RBM41: variants seen among roughly 807,000 people sequenced by gnomAD.
The protein encoded by RBM41 is RNA-binding protein 41.
In RBM41, 14 loss-of-function variants were observed where a neutral mutation model predicts 30.8. The observed-to-expected ratio is 0.45, with a 90% CI of 0.30 to 0.71. RBM41 has a LOEUF of 0.71. RBM41 is among the 30% of genes least tolerant of loss of function. The pLI is 0.08. For missense variants in RBM41, 276 were observed against 326.3 expected (o/e 0.85, Z 1.19); for synonymous variants, 120 against 110.1 (o/e 1.09, Z -0.56).
chrX:107,056,006 A>G, the RBM41 span, among the ~76,000 whole-genome samples: 1 of 112,483 alleles, frequency 8.9e-6, no homozygotes, highest in Non-Finnish European at 1.9e-5. Flanking sequence ...GTGGAAGACC[A>G]CTGAGTATCA....
downstream of RBM41, among the ~76,000 whole-genome samples, chrX:107,060,501 A>G (rs751901237): frequency 8.1e-3 from 902 of 111,230 alleles, 6 homozygotes; most frequent in Middle Eastern, 0.018. Context: ...ATGTAGCAAC[A>G]AAGTATCATC....
intron 6 of RBM41, among the ~76,000 whole-genome samples, chrX:107,086,912 A>G (rs1431238555): frequency 8.9e-6 from 1 of 112,455 alleles, no homozygotes; most frequent in East Asian, 2.8e-4. Flanking sequence ...TTTCAAAAGC[A>G]TTATGCATAT....
At chrX:107,093,169 G>A (rs1195432955) in intron 5 of RBM41, among the ~76,000 whole-genome samples, 1 of 111,063 alleles carries the variant, frequency 9.0e-6, no homozygotes, top group Non-Finnish European at 1.9e-5. Flanking sequence ...ATGTTAGAAG[G>A]TAGGAGTGCT....
Position 107,067,626 on chromosome X carries a change from C to G in RBM41, c.1215G>C (p.Val405=), listed in dbSNP as rs747177878. 9.9e-6 allele frequency: 12 copies of G among 1,210,568 alleles called. No homozygotes were observed. In the East Asian group the frequency reaches 3.3e-4, roughly 33 times the overall value. The change falls in exon 8 of 8, where the codon GTG becomes GTC. Residue 405 remains valine (V), a synonymous_variant. Coordinates refer to ENST00000685964, the MANE Select transcript of RBM41 (RefSeq NM_001324242.2). ...NGYKLHGKIL[V]IEFGKNKKQR... ...GCTTTTTGTTCTTTCCAAACTCTAT[C>G]ACCAATATTTTCCCATGTAGTTTGT... is the stretch of plus-strand genomic sequence containing the variant.
intron 5 of RBM41, among the ~76,000 whole-genome samples, chrX:107,095,092 T>C (rs1218258836): frequency 9.7e-6 from 1 of 102,746 alleles, no homozygotes; most frequent in Non-Finnish European, 1.9e-5. Context: ...GTAAGGATGT[T>C]AGCTCTCACC....
At chrX:107,073,763 T>C (rs917925648) in intron 6 of RBM41, among the ~76,000 whole-genome samples, 1 of 112,051 alleles carries the variant, frequency 8.9e-6, no homozygotes, top group African/African-American at 3.2e-5. Context: ...GTGGTATATA[T>C]ACACAGTGGA....
intron 6 of RBM41, among the ~76,000 whole-genome samples, chrX:107,087,475 G>T (rs934505301): frequency 9.0e-6 from 1 of 111,027 alleles, no homozygotes; most frequent in Admixed American, 9.5e-5. Flanking sequence ...ATGCTCCAGG[G>T]GTTTGTGTTG....
At chrX:107,098,728 C>T (rs918721929) in intron 5 of RBM41, among the ~76,000 whole-genome samples, 4 of 111,650 alleles carry the variant, frequency 3.6e-5, no homozygotes, top group Non-Finnish European at 5.6e-5. Context: ...GGCCCAGGCG[C>T]GGTGGCTCAT....
rs1935672655 is a variant in RBM41 at position 107,062,461 on chromosome X, A to G, written c.*5066T>C. Among the ~76,000 whole-genome samples the G allele has an allele frequency of 9.0e-6, 1 of 111,265 alleles. No individual in the cohort carries two copies. The highest frequency in any genetic ancestry group is 3.3e-5 in the African/African-American group (1 of 30,591). ...AACATGTATCAGAGGCTATATCAGG[A>G]TAATTTATTCCTTGTCACTTAACTA... On this transcript the variant is annotated 3_prime_UTR_variant, in exon 8 of 8. Transcript: ENST00000685964.
intron 5 of RBM41, among the ~76,000 whole-genome samples, chrX:107,095,680 C>T (rs1922909549): frequency 9.0e-6 from 1 of 110,870 alleles, no homozygotes; most frequent in Admixed American, 9.6e-5. Context: ...GAAAACAATT[C>T]TATTCACAAG....
At chrX:107,070,669 A>T (rs1435144759) in intron 6 of RBM41, among the ~76,000 whole-genome samples, 1 of 111,568 alleles carries the variant, frequency 9.0e-6, no homozygotes, top group Non-Finnish European at 1.9e-5. Flanking sequence ...ATAGGAAAAA[A>T]CTTCAACAAA....
intron 5 of RBM41, among the ~76,000 whole-genome samples, chrX:107,101,835 C>T (rs1923491615): frequency 8.9e-6 from 1 of 111,735 alleles, no homozygotes; most frequent in African/African-American, 3.2e-5. Flanking sequence ...TAACAAATAC[C>T]TAAAAATGTA....
Position 107,063,554 on chromosome X carries a change from TTTCTAC to T in RBM41, c.*3967_*3972del, listed in dbSNP as rs1246066941. Reference sequence around the variant, plus strand: ...TTACTTGATATAGGTTTATTCAAGTTTTCTACTTCTGAGTTGGTTTTGGTAGTTTGT... The same window carrying T: ...TTACTTGATATAGGTTTATTCAAGTTTTCTGAGTTGGTTTTGGTAGTTTGT... On this transcript the variant is annotated 3_prime_UTR_variant, in exon 8 of 8. Transcript: ENST00000685964. Among the ~76,000 whole-genome samples, 2 of 112,454 alleles carry T rather than the reference TTTCTAC, an allele frequency of 1.8e-5. No homozygotes were observed. The highest frequency in any genetic ancestry group is 6.5e-5 in the African/African-American group (2 of 30,988).
At position 107,115,348 on chromosome X, in the gene RBM41, A is replaced by G; in HGVS notation, c.523+4T>C. 1.9e-5 allele frequency: 23 copies of G among 1,208,998 alleles called. No homozygotes were observed. Among genetic ancestry groups the G allele is most frequent in the Non-Finnish European group, 2.5e-5 (22 of 892,812 alleles). ...ATATATCAAAGTCAGTGGGGATCACATACCTTGGTAATAAAGAGCCTTAAG... is the reference window on the plus strand; with the variant it reads ...ATATATCAAAGTCAGTGGGGATCACGTACCTTGGTAATAAAGAGCCTTAAG... On this transcript the variant is annotated splice_donor_region_variant and intron_variant, in intron 4 of 7. Transcript: ENST00000685964.
intron 5 of RBM41, among the ~76,000 whole-genome samples, chrX:107,096,295 C>A (rs1023664118): frequency 9.0e-5 from 10 of 111,323 alleles, no homozygotes; most frequent in African/African-American, 3.3e-4. Context: ...ATACAAAGCA[C>A]CTAGAATAGA....
downstream of RBM41, among the ~76,000 whole-genome samples, chrX:107,060,345 G>C (rs1935620990): frequency 9.1e-6 from 1 of 110,439 alleles, no homozygotes; most frequent in Non-Finnish European, 1.9e-5. Context: ...CAATGTGATA[G>C]TATTAAGTGG....
At chrX:107,102,530 G>A (rs1174305662) in intron 5 of RBM41, among the ~76,000 whole-genome samples, 2 of 111,495 alleles carry the variant, frequency 1.8e-5, no homozygotes, top group African/African-American at 6.5e-5. Context: ...GGTTATCTAG[G>A]AAGAATCTGT....
rs370459814 is a variant in RBM41 at position 107,087,923 on chromosome X, C to T, written c.999+513G>A. Among the ~76,000 whole-genome samples the T allele has an allele frequency of 6.1e-4, 68 of 112,090 alleles. 1 individual carries two copies. The South Asian group carries it at 0.025, about 42-fold the overall frequency. Reference sequence around the variant, plus strand: ...GGCCTTGTTGGACAATTTCTTAAAGCTTATAGGACCTTTTCACTTTGCTGC... The same window carrying T: ...GGCCTTGTTGGACAATTTCTTAAAGTTTATAGGACCTTTTCACTTTGCTGC... On this transcript the variant is annotated intron_variant, in intron 6 of 7. Coordinates refer to ENST00000685964, the MANE Select transcript of RBM41 (RefSeq NM_001324242.2).
chrX:107,063,432 T>A lies in RBM41; in HGVS notation c.*4095A>T, dbSNP rs1602534325. On this transcript the variant is annotated 3_prime_UTR_variant, in exon 8 of 8. Transcript: ENST00000685964. ...GAAAAAGTTTGTGAAGAATTTGTAT[T>A]AATTTTTCATTAAAAGTTTTGTAGA... Among the ~76,000 whole-genome samples the A allele has an allele frequency of 8.9e-6, 1 of 112,499 alleles. No individual in the cohort carries two copies. Among genetic ancestry groups the A allele is most frequent in the Non-Finnish European group, 1.9e-5 (1 of 53,303 alleles).
Sources: allele counts gnomAD v4.1 joint callset (sites outside exome capture counted in the v4.1 genomes callset), GRCh38; gene constraint gnomAD v4.1.1; transcripts MANE v1.5; gene names NCBI Gene and HGNC (gene_info 2026-07-23, HGNC 2026-07-21).